Variants in EIF3D observed in about 807,000 individuals in gnomAD.
EIF3D encodes eukaryotic translation initiation factor 3 subunit D, also known as eIF3 p66.
A neutral mutation model predicts 75.4 loss-of-function variants in EIF3D; 10 were observed. The observed-to-expected ratio is 0.13, with a 90% CI of 0.08 to 0.22. EIF3D has a LOEUF of 0.22. Ranked by LOEUF, EIF3D falls within the 10% of genes least tolerant of loss-of-function variation. The pLI is 1.00. For synonymous variants in EIF3D, 246 were observed against 248.3 expected, an observed-to-expected ratio of 0.99 and a Z score of 0.09; for missense variants, 394 against 708.0, an observed-to-expected ratio of 0.56 and a Z score of 5.03.
At chr22:36,513,251 G>C (rs1003882216) in intron 12 of EIF3D, among the ~76,000 whole-genome samples, 1 of 152,074 alleles carries the variant, frequency 6.6e-6, no homozygotes, top group Non-Finnish European at 1.5e-5. Context: ...AACTTTCTTG[G>C]TTCATGGCAA....
chr22:36,511,975 C>T (rs1260394606), intron 13 of EIF3D, among the ~76,000 whole-genome samples, 189 bp from the exon 14 acceptor site: 1 of 151,576 alleles, frequency 6.6e-6, no homozygotes, highest in African/African-American at 2.4e-5. Context: ...ACTGCAAGCT[C>T]CGCCTCCCGG....
intron 6 of EIF3D, among the ~76,000 whole-genome samples, chr22:36,522,238 C>CA (rs1376224610): frequency 1.3e-5 from 2 of 152,042 alleles, no homozygotes; most frequent in African/African-American, 4.8e-5. Flanking sequence ...CCTATAGTCT[C>CA]AGCTACTCAG....
chr22:36,515,326 C>T (rs982362253), intron 12 of EIF3D, among the ~76,000 whole-genome samples: 4 of 152,196 alleles, frequency 2.6e-5, no homozygotes, highest in Non-Finnish European at 5.9e-5. Flanking sequence ...GCCGGGACTT[C>T]AAGACCAGTC....
intron 6 of EIF3D, among the ~76,000 whole-genome samples, chr22:36,521,269 TC>T (rs1277034488): frequency 6.6e-6 from 1 of 152,138 alleles, no homozygotes; most frequent in Non-Finnish European, 1.5e-5. Flanking sequence ...TAAGACAGAA[TC>T]CCTGACTCCC....
chr22:36,517,364 G>A lies in EIF3D; in HGVS notation c.927C>T (p.Pro309=). ...AGGTTGCCTCCATGGCCAGGTTGCG[G>A]GGTGAATTGAAGGAATTACCTTCAT... ...PQDEGNSFNS[P]RNLAMEATYI... is the part of the protein sequence containing the mutation. The change falls in exon 10 of 15, where the codon CCC becomes CCT. Residue 309 remains proline, a synonymous_variant. Transcript: ENST00000216190. 1.2e-6 allele frequency: 2 copies of A among 1,614,016 alleles called. No homozygotes were observed. The highest frequency in any genetic ancestry group is 1.7e-6 in the Non-Finnish European group (2 of 1,179,940).
rs536207833 is a variant in EIF3D, at chr22:36,528,130, A to C, written c.-11+946T>G. ...CCCCCACCCCTACTTTAGAGGCAAAAATTTGAAGCTCAGCCTACTCAAGCA... is the reference window on the plus strand; with the variant it reads ...CCCCCACCCCTACTTTAGAGGCAAACATTTGAAGCTCAGCCTACTCAAGCA... On this transcript the variant is annotated intron_variant, in intron 1 of 14. Transcript: ENST00000216190. Among the ~76,000 whole-genome samples, 4 of 152,112 alleles carry C rather than the reference A, an allele frequency of 2.6e-5. No homozygotes were observed. In the East Asian group the frequency reaches 7.7e-4, roughly 29 times the overall value.
chr22:36,524,827 A>C, intron 3 of EIF3D, 95 bp from the exon 4 acceptor site: 1 of 1,524,150 alleles, frequency 6.6e-7, no homozygotes, highest in East Asian at 2.3e-5. Context: ...TGTGGTCTTG[A>C]GACCTGTAGC....
chr22:36,518,554 A>G (rs546647683), intron 9 of EIF3D, among the ~76,000 whole-genome samples: 2 of 152,084 alleles, frequency 1.3e-5, no homozygotes, highest in Admixed American at 1.3e-4. Flanking sequence ...GGGTGCTGTG[A>G]GGACTCCAAA....
At chr22:36,519,337 T>C in intron 8 of EIF3D, 68 bp downstream of exon 8, 2 of 1,599,244 alleles carry the variant, frequency 1.3e-6, no homozygotes, top group Non-Finnish European at 1.7e-6. Context: ...CTGTTCTTTC[T>C]GCAGCTTCAG....
rs971246413 is a variant in EIF3D, at chr22:36,529,101, T to C, written c.-36A>G. ...CTGCAATGGCCTCGGCCGGCCGGGA[T>C]GGCAACAGATGGTGCGTGCCGGGGA... On this transcript the variant is annotated 5_prime_UTR_variant, in exon 1 of 15. Coordinates refer to ENST00000216190, the MANE Select transcript of EIF3D (RefSeq NM_003753.4). 5.1e-6 allele frequency: 2 copies of C among 394,244 alleles called. No individual in the cohort carries two copies. The highest frequency in any genetic ancestry group is 2.1e-5 in the African/African-American group (1 of 48,538). 24.4% of individuals were successfully genotyped at this position (394,244 alleles called of 1,614,324 possible).
intron 1 of EIF3D, among the ~76,000 whole-genome samples, chr22:36,528,376 C>T (rs1414246174): frequency 3.3e-5 from 5 of 151,874 alleles, no homozygotes; most frequent in Admixed American, 6.6e-5. Flanking sequence ...ACCTGCATCA[C>T]CTCCCTGGAA....
In EIF3D at chr22:36,517,305, C is replaced by T; in HGVS notation, c.986G>A (p.Arg329Lys). ...INHNFSQQCL[R>K]MGKERYNFPN... ...CCCAGAGACTCGTTTCCTCACCATT[C>T]TCAAGCACTGCTGGGAGAAATTGTG... The change falls in exon 10 of 15, where the codon AGA becomes AAA. Residue 329 changes from arginine to lysine, a missense_variant. Physicochemically the swap from Arg to Lys is conservative, Grantham distance 26. Coordinates refer to ENST00000216190, the MANE Select transcript of EIF3D (RefSeq NM_003753.4). 6.2e-7 allele frequency: 1 copy of T among 1,613,858 alleles called. No homozygotes were observed. Among genetic ancestry groups the T allele is most frequent in the Non-Finnish European group, 8.5e-7 (1 of 1,179,906 alleles).
At chr22:36,526,183 C>A in intron 1 of EIF3D, 52 bp from the exon 2 acceptor site, 1 of 1,505,804 alleles carries the variant, frequency 6.6e-7, no homozygotes, top group Non-Finnish European at 8.9e-7. Context: ...CCTCAGAGTA[C>A]AAAACACCCT....
rs757692040 is a variant in EIF3D at position 36,511,011 on chromosome 22, C to T, written c.1634-11G>A. On this transcript the variant is annotated splice_polypyrimidine_tract_variant and intron_variant, in intron 14 of 14. Transcript: ENST00000216190. ...TTTAAGTTTCTTCCTCTGAAAGACA[C>T]AAAAAATGTAAGAGAAATGAGCCAG... is the stretch of plus-strand genomic sequence containing the variant. 3 of 1,606,660 alleles carry T rather than the reference C, an allele frequency of 1.9e-6. No individual in the cohort carries two copies. The highest frequency in any genetic ancestry group is 1.3e-5 in the African/African-American group (1 of 74,382).
At chr22:36,522,227 G>A (rs1329420365) in intron 6 of EIF3D, among the ~76,000 whole-genome samples, 1 of 152,066 alleles carries the variant, frequency 6.6e-6, no homozygotes, top group African/African-American at 2.4e-5. Flanking sequence ...GGTGGTGCAT[G>A]CCTATAGTCT....
rs184984194 is a variant in EIF3D, at chr22:36,520,793, G to C, written c.466-105C>G. On this transcript the variant is annotated intron_variant, in intron 6 of 14. Transcript: ENST00000216190. Reference sequence around the variant, plus strand: ...GAGCTGGCCTGGTGCAGTGGCTCATGCCTGTAGTCCCAGCACTTTGGGAAG... The same window carrying C: ...GAGCTGGCCTGGTGCAGTGGCTCATCCCTGTAGTCCCAGCACTTTGGGAAG... 3.2e-4 allele frequency: 225 copies of C among 705,342 alleles called. No individual in the cohort carries two copies. In the African/African-American group the frequency reaches 3.9e-3, roughly 12 times the overall value. 43.7% of individuals were successfully genotyped at this position (705,342 alleles called of 1,614,324 possible).
At chr22:36,518,187 G>T (rs933813591) in intron 9 of EIF3D, among the ~76,000 whole-genome samples, 2 of 152,102 alleles carry the variant, frequency 1.3e-5, no homozygotes, top group African/African-American at 4.8e-5. Context: ...CGAAAAAGGG[G>T]TATTTAAATG....
rs1161654947 is a variant in EIF3D, at chr22:36,511,534, C to T, written c.1602G>A (p.Glu534=). Reference sequence around the variant, plus strand: ...CTTCCTCTTCTTCCTCCTCCTCTTCCTCCTCATCTTCATCAGAGCTGAAGG... The same window carrying T: ...CTTCCTCTTCTTCCTCCTCCTCTTCTTCCTCATCTTCATCAGAGCTGAAGG... ...DGTFSSDEDE[E]EEEEEEEEEE... The change falls in exon 14 of 15, where the codon GAG becomes GAA. Residue 534 remains glutamate (E), a synonymous_variant. Coordinates refer to ENST00000216190, the MANE Select transcript of EIF3D (RefSeq NM_003753.4). 2.5e-6 allele frequency: 4 copies of T among 1,613,118 alleles called. No individual in the cohort carries two copies. The highest frequency in any genetic ancestry group is 2.2e-5 in the South Asian group (2 of 91,000).
At chr22:36,517,015 AT>A in intron 10 of EIF3D, 1 of 613,368 alleles carries the variant, frequency 1.6e-6, no homozygotes, top group East Asian at 2.7e-5. Context: ...TCTCTACTTC[AT>A]TTTTTTGCCA....
Sources: gnomAD v4.1 joint callset for allele counts (sites outside exome capture counted in the v4.1 genomes callset) on GRCh38, gnomAD v4.1.1 for gene constraint, MANE v1.5 for transcripts, NCBI Gene and HGNC (gene_info 2026-07-23, HGNC 2026-07-21) for gene names.